Variants in LCORL observed in about 807,000 individuals in gnomAD.
The protein encoded by LCORL is ligand-dependent nuclear receptor corepressor-like protein.
A neutral mutation model predicts 141.8 loss-of-function variants in LCORL; 41 were observed. The ratio of observed to expected loss-of-function variants is 0.29; its 90% CI spans 0.23 to 0.38. The LOEUF is 0.38. Ranked by LOEUF, LCORL falls within the 10% of genes least tolerant of loss-of-function variation. The probability of loss-of-function intolerance (pLI) is 1.00; values close to 1 mark genes in which losing one functional copy is unlikely to be tolerated. For synonymous variants in LCORL, 618 were observed against 694.1 expected (o/e 0.89, Z 1.72); for missense variants, 1,759 against 2,035.0 (o/e 0.86, Z 2.61).
chr4:17,933,873 G>T (rs185504354), intron 4 of LCORL, among the ~76,000 whole-genome samples: 2 of 152,120 alleles, frequency 1.3e-5, no homozygotes, highest in Admixed American at 1.3e-4. Flanking sequence ...ATGAAGAGTT[G>T]ATATGTTTTC....
rs1307167506 is a variant in LCORL at position 17,892,745 on chromosome 4, T to C, written c.683-6584A>G. Among the ~76,000 whole-genome samples the C allele has an allele frequency of 2.0e-5, 3 of 152,234 alleles. No homozygotes were observed. The East Asian group carries it at 5.8e-4, about 29-fold the overall frequency. ...TCAACATTTCCACCAAATGCCACTTTAGACTTATTGTAATTCTTTTTTCTT... is the reference window on the plus strand; with the variant it reads ...TCAACATTTCCACCAAATGCCACTTCAGACTTATTGTAATTCTTTTTTCTT... On this transcript the variant is annotated intron_variant, in intron 5 of 7. Transcript: ENST00000635767.
At chr4:17,920,326 C>T (rs1454803575) in intron 4 of LCORL, among the ~76,000 whole-genome samples, 3 of 152,186 alleles carry the variant, frequency 2.0e-5, no homozygotes, top group Admixed American at 6.5e-5. Flanking sequence ...GAGGAAAAAA[C>T]GCAGACATTG....
chr4:17,940,416 AAT>A (rs1288323075), intron 4 of LCORL, among the ~76,000 whole-genome samples: 16 of 147,912 alleles, frequency 1.1e-4, no homozygotes, highest in Non-Finnish European at 2.1e-4. Flanking sequence ...ACTATATTAA[AAT>A]AGTTTTATAT....
chr4:17,875,838 C>T lies in LCORL; in HGVS notation c.3152G>A (p.Gly1051Asp), dbSNP rs956970163. 17 of 1,231,044 alleles carry T rather than the reference C, an allele frequency of 1.4e-5. No homozygotes were observed. In the African/African-American group the frequency reaches 1.9e-4, roughly 13 times the overall value. The allele number at this position is 1,231,044 out of a possible 1,614,324, so 76.3% of individuals were successfully genotyped here. A position where few individuals can be genotyped will look rare whatever the true frequency, so the allele number is the denominator to read the frequency against. ...TTGTGGCTTATCACTATTTATATCA[C>T]CTATAAACATTGTAGAGGATCCTGC... Residue 1051 changes from glycine (G) to aspartate (D), a missense_variant, in exon 7 of 8, where the codon GGT (glycine) becomes GAT (aspartate). By Grantham distance (94) the Gly-to-Asp change is moderately conservative. This residue lies in a region of LCORL where 1,311 missense variants were observed against 1,531.3 expected (regional missense o/e 0.86). Transcript: ENST00000635767.
At chr4:17,853,049 A>ATTTTTTTT (rs67695626) in intron 7 of LCORL, among the ~76,000 whole-genome samples, 2 of 125,204 alleles carry the variant, frequency 1.6e-5, no homozygotes, top group Non-Finnish European at 1.7e-5. Flanking sequence ...TAAAAGCTTG[A>ATTTTTTTT]TTTTTTTTTT....
chr4:17,956,664 G>T (rs927584314), intron 4 of LCORL, among the ~76,000 whole-genome samples: 17 of 151,888 alleles, frequency 1.1e-4, no homozygotes, highest in Non-Finnish European at 2.5e-4. Context: ...GGTGGGAGGG[G>T]ATGAAAAGGT....
Position 17,924,914 on chromosome 4 carries a change from G to C in LCORL, c.431-15569C>G, listed in dbSNP as rs111311567. ...TGTGCATGCTCTGAATCAGCATTCA[G>C]TATATGGTACTGTTTCTCCCATAGC... On this transcript the variant is annotated intron_variant, in intron 4 of 7. Transcript: ENST00000635767. Among the ~76,000 whole-genome samples the C allele has an allele frequency of 6.1e-3, 923 of 152,306 alleles. 19 individuals are homozygous for C. Among genetic ancestry groups the C allele is most frequent in the African/African-American group, 0.021 (878 of 41,564 alleles).
chr4:18,012,581 A>C (rs1723974702), intron 1 of LCORL, among the ~76,000 whole-genome samples: 1 of 152,216 alleles, frequency 6.6e-6, no homozygotes, highest in Non-Finnish European at 1.5e-5. Context: ...GACAACAGTA[A>C]ATTAATTGTA....
intron 6 of LCORL, 59 bp downstream of exon 6, chr4:17,886,009 G>T: frequency 1.0e-6 from 1 of 954,370 alleles, no homozygotes; most frequent in Non-Finnish European, 1.6e-6. Context: ...AGTATTAAGA[G>T]TTCTCTGCAG....
chr4:17,989,427 T>C (rs1719586062), intron 1 of LCORL, among the ~76,000 whole-genome samples: 1 of 152,148 alleles, frequency 6.6e-6, no homozygotes, highest in African/African-American at 2.4e-5. Context: ...AGATGGACAG[T>C]GTCAAGGGCA....
At chr4:18,013,054 T>G (rs143780444) in intron 1 of LCORL, among the ~76,000 whole-genome samples, 316 of 152,316 alleles carry the variant, frequency 2.1e-3, no homozygotes, top group African/African-American at 7.1e-3. Flanking sequence ...CTACTGAAAT[T>G]TATCTAGTCA....
rs944371300 is a variant in LCORL at position 17,845,572 on chromosome 4, A to T, written c.*316T>A. On this transcript the variant is annotated 3_prime_UTR_variant, in exon 8 of 8. Coordinates refer to ENST00000635767, the Ensembl canonical transcript of LCORL. ...TGTAAAACATGTAAAAAAAACATATAAAGAATATAATCAAAATGATTAATG... is the reference window on the plus strand; with the variant it reads ...TGTAAAACATGTAAAAAAAACATATTAAGAATATAATCAAAATGATTAATG... 19 of 497,152 alleles carry T rather than the reference A, an allele frequency of 3.8e-5. No individual in the cohort carries two copies. The East Asian group carries it at 6.1e-4, about 16-fold the overall frequency. The allele number at this position is 497,152 out of a possible 1,614,324, so 30.8% of individuals were successfully genotyped here. A position where few individuals can be genotyped will look rare whatever the true frequency, so the allele number is the denominator to read the frequency against.
chr4:17,962,768 G>C (rs185417932), intron 3 of LCORL, among the ~76,000 whole-genome samples: 3 of 151,990 alleles, frequency 2.0e-5, no homozygotes, highest in African/African-American at 7.2e-5. Flanking sequence ...AAAAAAAGAT[G>C]AGTTTTCTAG....
At chr4:17,883,036 T>C in intron 6 of LCORL, 1 of 978,312 alleles carries the variant, frequency 1.0e-6, no homozygotes, top group Non-Finnish European at 1.2e-6. Context: ...TGTCAGTTTT[T>C]TTAAAGTATA....
At chr4:17,887,670 C>G (rs1456557756) in intron 5 of LCORL, among the ~76,000 whole-genome samples, 3 of 152,144 alleles carry the variant, frequency 2.0e-5, no homozygotes, top group Admixed American at 2.0e-4. Flanking sequence ...ATGGCAAGAA[C>G]TTCGCATTTC....
chr4:17,939,569 C>G (rs1737496964), intron 4 of LCORL, among the ~76,000 whole-genome samples: 1 of 152,030 alleles, frequency 6.6e-6, no homozygotes, highest in African/African-American at 2.4e-5. Flanking sequence ...TAACTCCTTT[C>G]AGAGAAAGTA....
Position 18,008,652 on chromosome 4 carries a change from G to C in LCORL, c.154+12946C>G, listed in dbSNP as rs565150835. Among the ~76,000 whole-genome samples the C allele has an allele frequency of 1.8e-4, 28 of 152,198 alleles. No individual in the cohort carries two copies. In the South Asian group the frequency reaches 4.8e-3, roughly 26 times the overall value. On this transcript the variant is annotated intron_variant, in intron 1 of 7. Coordinates refer to ENST00000635767, the Ensembl canonical transcript of LCORL. Reference sequence around the variant, plus strand: ...GATAAAAATTGTACTATTTCATATGGAAAATTATATGTGATAATACATATA... The same window carrying C: ...GATAAAAATTGTACTATTTCATATGCAAAATTATATGTGATAATACATATA...
intron 7 of LCORL, among the ~76,000 whole-genome samples, chr4:17,857,974 C>A (rs926371708): frequency 1.3e-5 from 2 of 152,070 alleles, no homozygotes; most frequent in African/African-American, 4.8e-5. Flanking sequence ...CTGAAAATTA[C>A]CATGCATGCA....
At chr4:17,843,893 A>G (rs1406457031) in exon 8 of LCORL, 1 of 151,642 alleles carries the variant, frequency 6.6e-6, no homozygotes, top group Non-Finnish European at 1.5e-5. Flanking sequence ...AAAGGAGCTT[A>G]TCAATCACCA....
Sources: gnomAD v4.1 joint callset for allele counts (sites outside exome capture counted in the v4.1 genomes callset) on GRCh38, gnomAD v4.1.1 for gene constraint, gnomAD v4.1.1 regional missense constraint, MANE v1.5 for transcripts, NCBI Gene and HGNC (gene_info 2026-07-23, HGNC 2026-07-21) for gene names.